Variants in GLOD4 observed in about 807,000 individuals in gnomAD.
GLOD4 encodes glyoxalase domain containing 4.
GLOD4 carries 44 observed loss-of-function variants against 39.1 expected under a neutral mutation model. The ratio of observed to expected loss-of-function variants is 1.13; its 90% confidence interval spans 0.88 to 1.45. The LOEUF (loss-of-function observed/expected upper bound fraction) is 1.45, where lower values mean the gene tolerates loss of function less well. Among genes scored for constraint, GLOD4 ranks in the 40% most tolerant of loss-of-function variants. GLOD4 has a pLI of 0.00. For synonymous variants in GLOD4, 145 were observed against 135.0 expected (o/e 1.07, Z -0.52); for missense variants, 405 against 366.4 (o/e 1.11, Z -0.86).
chr17:761,127 C>T (rs535323721), intron 8 of GLOD4, among the ~76,000 whole-genome samples: 8 of 152,094 alleles, frequency 5.3e-5, no homozygotes, highest in Non-Finnish European at 1.2e-4. Context: ...CAGCTGAGAA[C>T]TCAGATATGG....
rs780975018 is a variant in GLOD4 at position 770,472 on chromosome 17, C to T, written c.579G>A (p.Val193=). 5.6e-6 allele frequency: 9 copies of T among 1,594,830 alleles called. No homozygotes were observed. Among genetic ancestry groups the T allele is most frequent in the Non-Finnish European group, 7.7e-6 (9 of 1,162,326 alleles). The change falls in exon 6 of 9, where the codon GTG becomes GTA. Residue 193 remains valine (V), a synonymous_variant. Coordinates refer to ENST00000301329, the MANE Select transcript of GLOD4 (RefSeq NM_016080.4). ...TTCTTCCAAAAGCTGCTGCATGGTCCACCCCACCCTTGACGCCCTGTAGCT... is the reference window on the plus strand; with the variant it reads ...TTCTTCCAAAAGCTGCTGCATGGTCTACCCCACCCTTGACGCCCTGTAGCT... ...KLELQGVKGG[V]DHAAAFGRIA...
chr17:762,762 C>A (rs181177768), intron 8 of GLOD4, among the ~76,000 whole-genome samples: 1 of 152,238 alleles, frequency 6.6e-6, no homozygotes, highest in Admixed American at 6.5e-5. Context: ...ATCCAGGCCC[C>A]TGCCTGCCAC....
intron 8 of GLOD4, among the ~76,000 whole-genome samples, chr17:768,547 G>C (rs1314600563): frequency 6.9e-6 from 1 of 145,202 alleles, no homozygotes; most frequent in Non-Finnish European, 1.5e-5. Flanking sequence ...ATCTGGAGAG[G>C]ACGTGAGAGA....
chr17:770,385 G>T, intron 6 of GLOD4, 36 bp downstream of exon 6: 1 of 1,057,430 alleles, frequency 9.5e-7, no homozygotes, highest in Non-Finnish European at 1.5e-6. Context: ...GAACTAGCTA[G>T]TCAGAAAGCT....
At chr17:780,354 T>C (rs1428904647) in intron 1 of GLOD4, among the ~76,000 whole-genome samples, 2 of 152,140 alleles carry the variant, frequency 1.3e-5, no homozygotes, top group African/African-American at 2.4e-5. Context: ...AAGATACTAT[T>C]AGAAGCAATG....
At chr17:774,827 G>A (rs753004832) in intron 4 of GLOD4, among the ~76,000 whole-genome samples, 18 of 152,184 alleles carry the variant, frequency 1.2e-4, no homozygotes, top group Admixed American at 5.2e-4. Context: ...CCAGCACTTT[G>A]GGAGGCTGAG....
intron 8 of GLOD4, among the ~76,000 whole-genome samples, chr17:762,556 G>A (rs536730477): frequency 6.5e-5 from 9 of 139,254 alleles, no homozygotes; most frequent in Non-Finnish European, 1.2e-4. Flanking sequence ...TCCAGGCCCC[G>A]GCCGGCACCT....
rs534947184 is a variant in GLOD4 at position 782,260 on chromosome 17, C to G, written c.-5G>C. ...CAGAGCTCTGCGAGCAGCCATGATT[C>G]CCGCCGCACGCAGCCGTCACGCGCA... On this transcript the variant is annotated 5_prime_UTR_variant, in exon 1 of 9. Transcript: ENST00000301329. The G allele has an allele frequency of 1.8e-5, 29 of 1,613,334 alleles. 1 individual carries two copies. The South Asian group carries it at 3.0e-4, about 17-fold the overall frequency.
upstream of GLOD4, chr17:783,497 C>A (rs150723743): frequency 0.015 from 8,658 of 594,742 alleles, 99 homozygotes; most frequent in Middle Eastern, 0.021. Context: ...CCACCATGCC[C>A]GGGTGATTTT....
chr17:767,982 A>G (rs1597578836), intron 8 of GLOD4, among the ~76,000 whole-genome samples: 2 of 132,834 alleles, frequency 1.5e-5, no homozygotes, highest in African/African-American at 5.8e-5. Context: ...TTTAGAAGAA[A>G]TCTGGAGAGG....
chr17:768,072 G>A (rs111728332), intron 8 of GLOD4, among the ~76,000 whole-genome samples: 51 of 145,396 alleles, frequency 3.5e-4, no homozygotes, highest in Middle Eastern at 7.7e-3. Context: ...GAAACAGCGC[G>A]CACTCAGATT....
chr17:782,674 C>G, upstream of GLOD4: 1 of 1,605,350 alleles, frequency 6.2e-7, no homozygotes, highest in African/African-American at 1.3e-5. Context: ...AAAGCTTATC[C>G]CGGGGACAGG....
In GLOD4 at chr17:759,970, G is replaced by A. The variant is rs144498007; in HGVS notation, c.*203C>T. The A allele has an allele frequency of 2.1e-5, 12 of 577,846 alleles. No individual in the cohort carries two copies. The highest frequency in any genetic ancestry group is 5.7e-5 in the East Asian group (2 of 35,200). 35.8% of individuals were successfully genotyped at this position (577,846 alleles called of 1,614,324 possible). Reference sequence around the variant, plus strand: ...AGCAACAGTGTAGATTACAGCAGGCGTTCTCTACCTGGACTCATGATTGGA... The same window carrying A: ...AGCAACAGTGTAGATTACAGCAGGCATTCTCTACCTGGACTCATGATTGGA... On this transcript the variant is annotated 3_prime_UTR_variant, in exon 9 of 9. Transcript: ENST00000301329.
At chr17:772,187 GA>G (rs58914913) in intron 4 of GLOD4, among the ~76,000 whole-genome samples, 26,922 of 50,776 alleles carry the variant, frequency 0.53, 3,652 homozygotes, top group East Asian at 0.6. Context: ...ACCCTATCTC[GA>G]AAAAAAAAAA....
At chr17:771,511 T>A in intron 4 of GLOD4, 50 bp from the exon 5 acceptor site, 1 of 1,077,898 alleles carries the variant, frequency 9.3e-7, no homozygotes, top group Non-Finnish European at 1.3e-6. Flanking sequence ...TAGAATAAAA[T>A]AGAAAGACCA....
In GLOD4 at chr17:771,429, C is replaced by G; in HGVS notation, c.439G>C (p.Asp147His). The G allele has an allele frequency of 6.3e-7, 1 of 1,579,658 alleles. No individual in the cohort carries two copies. Among genetic ancestry groups the G allele is most frequent in the Non-Finnish European group, 8.7e-7 (1 of 1,151,492 alleles). Residue 147 changes from aspartate to histidine, a missense_variant, in exon 5 of 9, where the codon GAT (aspartate) becomes CAT (histidine). Asp to His is a moderately conservative substitution (Grantham distance 81). Transcript: ENST00000301329. ...CAGTAGTTCAAGGACTTTTGAAGAT[C>G]AGACACTGCTAGAGTTACTTTTAAT... The part of the protein sequence containing the change: ...PVLKVTLAVS[D>H]LQKSLNYWCN...
chr17:762,039 G>A (rs1303427014), intron 8 of GLOD4, among the ~76,000 whole-genome samples: 1 of 152,218 alleles, frequency 6.6e-6, no homozygotes. Context: ...AGAGGCAAGA[G>A]AGAGCTATCG....
At chr17:774,551 G>T (rs188318597) in intron 4 of GLOD4, among the ~76,000 whole-genome samples, 4 of 152,308 alleles carry the variant, frequency 2.6e-5, no homozygotes, top group African/African-American at 9.6e-5. Context: ...TTCTTGTTCT[G>T]TGTGGCAGTC....
intron 8 of GLOD4, among the ~76,000 whole-genome samples, chr17:769,408 G>A (rs1907497378): frequency 6.6e-6 from 1 of 150,618 alleles, no homozygotes; most frequent in Non-Finnish European, 1.5e-5. Flanking sequence ...GGGTCGGATG[G>A]AGGCATCTCC....
Sources: gnomAD v4.1 joint callset for allele counts (sites outside exome capture counted in the v4.1 genomes callset) on GRCh38, gnomAD v4.1.1 for gene constraint, MANE v1.5 for transcripts, NCBI Gene and HGNC (gene_info 2026-07-23, HGNC 2026-07-21) for gene names.